The following SLC36A4 variants were observed in gnomAD, a reference collection of about 807,000 sequenced individuals.
The protein encoded by SLC36A4 is solute carrier family 36 member 4.
A neutral mutation model predicts 50.5 loss-of-function variants in SLC36A4; 49 were observed. That is an observed-to-expected ratio of 0.97 (90% CI 0.77 to 1.23). The LOEUF is 1.23. Ranked by LOEUF, SLC36A4 falls within the 50% of genes most tolerant of loss-of-function variation. The pLI, the probability that SLC36A4 is intolerant of heterozygous loss-of-function variation, is 0.00. For missense variants in SLC36A4, 611 were observed against 608.4 expected (o/e 1.00, Z -0.05); for synonymous variants, 207 against 206.5 (o/e 1.00, Z -0.02).
chr11:93,186,954 T>A (rs1323027740), intron 1 of SLC36A4, among the ~76,000 whole-genome samples: 13 of 152,192 alleles, frequency 8.5e-5, no homozygotes, highest in Admixed American at 5.2e-4. Flanking sequence ...GTGCTGCTGA[T>A]GTTGCTGGTC....
At chr11:93,157,049 G>T (rs1222671468) in intron 9 of SLC36A4, among the ~76,000 whole-genome samples, 3 of 152,164 alleles carry the variant, frequency 2.0e-5, no homozygotes, top group Non-Finnish European at 4.4e-5. Context: ...GTCCAGTTCA[G>T]TCTATCCCAT....
chr11:93,157,597 T>A (rs1013672557), intron 9 of SLC36A4, among the ~76,000 whole-genome samples: 21 of 152,228 alleles, frequency 1.4e-4, no homozygotes, highest in African/African-American at 4.8e-4. Flanking sequence ...TTTTATTCTT[T>A]ATGTGGCAAT....
intron 3 of SLC36A4, among the ~76,000 whole-genome samples, chr11:93,183,133 T>G (rs942662390): frequency 1.3e-5 from 2 of 152,072 alleles, no homozygotes; most frequent in Admixed American, 6.5e-5. Context: ...GAATATGGAG[T>G]ATAGACAACA....
At chr11:93,190,627 T>C (rs970528468) in intron 1 of SLC36A4, among the ~76,000 whole-genome samples, 1 of 152,218 alleles carries the variant, frequency 6.6e-6, no homozygotes, top group Admixed American at 6.5e-5. Context: ...TACTTCTTAA[T>C]AGTGTTAGGA....
chr11:93,196,404 T>C (rs1862425045), intron 1 of SLC36A4, among the ~76,000 whole-genome samples: 1 of 152,212 alleles, frequency 6.6e-6, no homozygotes, highest in African/African-American at 2.4e-5. Flanking sequence ...TCTCGCTCTG[T>C]TGCCCAGGCT....
chr11:93,190,021 C>G (rs1862147943), intron 1 of SLC36A4, among the ~76,000 whole-genome samples: 1 of 152,144 alleles, frequency 6.6e-6, no homozygotes, highest in African/African-American at 2.4e-5. Flanking sequence ...CTCCGTCACT[C>G]TGAACAAACT....
In SLC36A4 at chr11:93,147,997, A is replaced by G. The variant is rs1410744515; in HGVS notation, c.*540T>C. On this transcript the variant is annotated 3_prime_UTR_variant, in exon 11 of 11. Coordinates refer to ENST00000326402, the MANE Select transcript of SLC36A4 (RefSeq NM_152313.4). ...TTTGCAATTTTCTGATGCTTATATT[A>G]TGTTAATGGGAGTTTTCTATACTTC... is the stretch of plus-strand genomic sequence containing the variant. The G allele has an allele frequency of 6.6e-6, 1 of 152,486 alleles. No individual in the cohort carries two copies. The highest frequency in any genetic ancestry group is 1.5e-5 in the Non-Finnish European group (1 of 68,386). The allele number at this position is 152,486 out of a possible 1,614,324, so 9.4% of individuals were successfully genotyped here.
chr11:93,183,530 T>C (rs989249312), intron 3 of SLC36A4, among the ~76,000 whole-genome samples: 3 of 152,110 alleles, frequency 2.0e-5, no homozygotes, highest in African/African-American at 7.2e-5. Flanking sequence ...TAAAACTGTT[T>C]TTAGAAAGTG....
rs1027200719 is a variant in SLC36A4, at chr11:93,147,879, T to C, written c.*658A>G. On this transcript the variant is annotated 3_prime_UTR_variant, in exon 11 of 11. Coordinates refer to ENST00000326402, the MANE Select transcript of SLC36A4 (RefSeq NM_152313.4). ...ACTGGATAAGTTTTAAAGTCCCTTT[T>C]CAAATTTCATTGAAACACTAAGTCA... 6.6e-6 allele frequency: 1 copy of C among 152,122 alleles called. No individual in the cohort carries two copies. Among genetic ancestry groups the C allele is most frequent in the African/African-American group, 2.4e-5 (1 of 41,454 alleles). The allele number at this position is 152,122 out of a possible 1,614,324, so 9.4% of individuals were successfully genotyped here.
At chr11:93,148,976 G>T in intron 10 of SLC36A4, 132 bp from the exon 11 acceptor site, 1 of 995,676 alleles carries the variant, frequency 1.0e-6, no homozygotes, top group African/African-American at 1.7e-5. Flanking sequence ...CTAAACTATT[G>T]CTTGTGAAAA....
Position 93,148,611 on chromosome 11 carries a change from T to G in SLC36A4, c.1441A>C (p.Lys481Gln), listed in dbSNP as rs1249450427. 6.2e-7 allele frequency: 1 copy of G among 1,612,792 alleles called. No individual in the cohort carries two copies. Among genetic ancestry groups the G allele is most frequent in the African/African-American group, 1.3e-5 (1 of 74,970 alleles). The change falls in exon 11 of 11, where the codon AAA (lysine) becomes CAA (glutamine). Residue 481 changes from lysine (K) to glutamine (Q), a missense_variant. Coordinates refer to ENST00000326402, the MANE Select transcript of SLC36A4 (RefSeq NM_152313.4). Reference protein sequence around the residue: ...TVEEIIYPTPKVVAGTPQSPF... With the variant: ...TVEEIIYPTPQVVAGTPQSPF... ...CTCTGTGGAGTGCCAGCTACAACTT[T>G]GGGAGTAGGATAAATAATTTCTTCA...
At chr11:93,165,698 T>C (rs1167624365) in intron 8 of SLC36A4, among the ~76,000 whole-genome samples, 1 of 152,010 alleles carries the variant, frequency 6.6e-6, no homozygotes, top group Non-Finnish European at 1.5e-5. Flanking sequence ...TATAGATAAA[T>C]AAAAAGAGAA....
intron 3 of SLC36A4, among the ~76,000 whole-genome samples, chr11:93,183,539 T>C (rs1266559669): frequency 6.6e-6 from 1 of 152,054 alleles, no homozygotes; most frequent in Non-Finnish European, 1.5e-5. Context: ...TTTTAGAAAG[T>C]GGTCTATTCA....
chr11:93,155,783 G>A (rs925907456), intron 9 of SLC36A4, among the ~76,000 whole-genome samples: 3 of 151,910 alleles, frequency 2.0e-5, no homozygotes, highest in Non-Finnish European at 4.4e-5. Context: ...ATGTGTCCGC[G>A]TTTTCATCAT....
intron 1 of SLC36A4, among the ~76,000 whole-genome samples, chr11:93,186,720 T>C (rs1201015046): frequency 6.6e-6 from 1 of 152,218 alleles, no homozygotes; most frequent in East Asian, 1.9e-4. Flanking sequence ...CTCTACTCAT[T>C]TCTTAGACAT....
At chr11:93,166,350 A>T in intron 7 of SLC36A4, 1 of 1,021,576 alleles carries the variant, frequency 9.8e-7, no homozygotes, top group Non-Finnish European at 1.2e-6. Flanking sequence ...TCAAGGCCTA[A>T]GCTGAGAGCC....
intron 1 of SLC36A4, among the ~76,000 whole-genome samples, chr11:93,195,826 A>G (rs1305011149): frequency 6.6e-6 from 1 of 152,112 alleles, no homozygotes; most frequent in Non-Finnish European, 1.5e-5. Flanking sequence ...TCTTTACTCA[A>G]ATTGTACCTT....
intron 6 of SLC36A4, 60 bp downstream of exon 6, chr11:93,180,737 T>A: frequency 8.9e-7 from 1 of 1,128,730 alleles, no homozygotes; most frequent in Non-Finnish European, 1.3e-6. Flanking sequence ...AGAAGATATA[T>A]GAAGCCATAA....
At chr11:93,193,239 AT>A (rs1250864006) in intron 1 of SLC36A4, among the ~76,000 whole-genome samples, 2 of 152,292 alleles carry the variant, frequency 1.3e-5, no homozygotes, top group African/African-American at 4.8e-5. Flanking sequence ...CCAGAAGGAA[AT>A]AGAGATTAGT....
Sources: gnomAD v4.1 joint callset for allele counts (sites outside exome capture counted in the v4.1 genomes callset) on GRCh38, gnomAD v4.1.1 for gene constraint, MANE v1.5 for transcripts, NCBI Gene and HGNC (gene_info 2026-07-23, HGNC 2026-07-21) for gene names.